Variants in FBF1 observed in about 807,000 individuals in gnomAD.
The protein encoded by FBF1 is fas-binding factor 1.
A neutral mutation model predicts 147.2 loss-of-function variants in FBF1; 119 were observed. The ratio of observed to expected loss-of-function variants is 0.81; its 90% CI spans 0.70 to 0.94. The LOEUF (loss-of-function observed/expected upper bound fraction) is 0.94. Among genes scored for constraint, FBF1 ranks in the 40% least tolerant of loss-of-function variants. The pLI is 0.00. For missense variants in FBF1, 1,449 were observed against 1,500.8 expected (o/e 0.97, Z 0.57); for synonymous variants, 601 against 609.0 (o/e 0.99, Z 0.19).
chr17:75,936,954 G>C (rs952723198), intron 3 of FBF1, among the ~76,000 whole-genome samples: 16 of 152,158 alleles, frequency 1.1e-4, no homozygotes, highest in Admixed American at 2.0e-4. Context: ...AGGCATGTGG[G>C]GGAACCTAAG....
At position 75,920,365 on chromosome 17, in the gene FBF1, A is replaced by C. The variant is rs767579786; in HGVS notation, c.1739T>G (p.Leu580Arg). The C allele has an allele frequency of 4.4e-6, 7 of 1,606,154 alleles. No individual in the cohort carries two copies. The highest frequency in any genetic ancestry group is 1.7e-4 in the Middle Eastern group (1 of 5,870). The change falls in exon 18 of 30, where the codon CTG (leucine) becomes CGG (arginine). Residue 580 changes from leucine to arginine, a missense_variant. Coordinates refer to ENST00000636174, the MANE Select transcript of FBF1 (RefSeq NM_001319193.2). The stretch of plus-strand genomic sequence containing the variant: ...GCACTGAAGTTGCACCTGTGCTGCC[A>C]GGAGCTGCTTCTGGTATTCTGTGCT... Reference protein sequence around the residue: ...LPSTEYQKQLLAAQVQLQCSP... With the variant: ...LPSTEYQKQLRAAQVQLQCSP...
At chr17:75,929,955 A>ACCC in intron 7 of FBF1, 42 bp downstream of exon 7, 2 of 228,256 alleles carry the variant, frequency 8.8e-6, no homozygotes, top group East Asian at 1.5e-4. Context: ...ACCCCACCCC[A>ACCC]CCCACCCCCA....
intron 2 of FBF1, 29 bp from the exon 3 acceptor site, chr17:75,937,622 G>GA: frequency 2.5e-6 from 4 of 1,613,658 alleles, no homozygotes; most frequent in East Asian, 2.2e-5. Context: ...ATCACATCAA[G>GA]AAAACCAAAC....
rs376841285 is a variant in FBF1 at position 75,926,406 on chromosome 17, G to A, written c.616C>T (p.Pro206Ser). The A allele has an allele frequency of 1.9e-6, 3 of 1,588,008 alleles. No individual in the cohort carries two copies. The highest frequency in any genetic ancestry group is 4.5e-5 in the East Asian group (2 of 44,664). The change falls in exon 11 of 30, where the codon CCT (proline) becomes TCT (serine). Residue 206 changes from proline (P) to serine (S), a missense_variant. Pro to Ser is a moderately conservative substitution (Grantham distance 74). Transcript: ENST00000636174. Reference sequence around the variant, plus strand: ...TTTTTTCGGATGGGGGTGTCCCCAGGAGTTAGAGGAATAGAGGGACCTGAA... The same window carrying A: ...TTTTTTCGGATGGGGGTGTCCCCAGAAGTTAGAGGAATAGAGGGACCTGAA... ...RDQGPSIPLT[P>S]GDTPIRKKEE...
chr17:75,926,621 G>A, intron 10 of FBF1, 137 bp downstream of exon 10: 1 of 1,380,314 alleles, frequency 7.2e-7, no homozygotes, highest in Non-Finnish European at 9.7e-7. Flanking sequence ...CCTAAAGGCT[G>A]ATGATCTCTT....
Position 75,910,275 on chromosome 17 carries a change from G to T in FBF1, c.*448C>A, listed in dbSNP as rs1599478234. 6 of 344,842 alleles carry T rather than the reference G, an allele frequency of 1.7e-5. No individual in the cohort carries two copies. Among genetic ancestry groups the T allele is most frequent in the South Asian group, 1.5e-4 (6 of 40,504 alleles). The allele number at this position is 344,842 out of a possible 1,614,324, so 21.4% of individuals were successfully genotyped here. A position where few individuals can be genotyped will look rare whatever the true frequency, so the allele number is the denominator to read the frequency against. On this transcript the variant is annotated 3_prime_UTR_variant, in exon 30 of 30. Transcript: ENST00000636174. The surrounding 1 kb of genome is among the most constrained non-coding windows in gnomAD (Gnocchi z 4.1). ...GGCCCTTCTCCAGCTCATCAGGGAG[G>T]GAACTGCTCTGGCAGGGAGTAGGGA...
rs776468566 is a variant in FBF1 at position 75,915,088 on chromosome 17, C to T, written c.2557G>A (p.Ala853Thr). The change falls in exon 24 of 30, where the codon GCC (alanine) becomes ACC (threonine). Residue 853 changes from alanine to threonine, a missense_variant. By Grantham distance (58) the Ala-to-Thr change is moderately conservative. Coordinates refer to ENST00000636174, the MANE Select transcript of FBF1 (RefSeq NM_001319193.2). ...GTGACCTTCCTTTGCTCCTCTAGGGCGCGCTGCATGGACTCCGCCTTGGAC... is the reference window on the plus strand; with the variant it reads ...GTGACCTTCCTTTGCTCCTCTAGGGTGCGCTGCATGGACTCCGCCTTGGAC... ...EQSKAESMQR[A>T]LEEQRKVTAQ... 3.7e-6 allele frequency: 6 copies of T among 1,612,876 alleles called. No homozygotes were observed. Among genetic ancestry groups the T allele is most frequent in the Admixed American group, 1.7e-5 (1 of 59,962 alleles).
At chr17:75,937,986 A>C in intron 2 of FBF1, 161 bp downstream of exon 2, 1 of 1,101,742 alleles carries the variant, frequency 9.1e-7, no homozygotes, top group Non-Finnish European at 1.3e-6. Flanking sequence ...TTGGTCGTCG[A>C]AAGTTTGGTA....
At chr17:75,939,956 T>A (rs968171510) in intron 1 of FBF1, 2 of 152,306 alleles carry the variant, frequency 1.3e-5, no homozygotes. Context: ...TTCTTTTTTT[T>A]CTTTTTTTAG....
intron 4 of FBF1, among the ~76,000 whole-genome samples, chr17:75,935,218 G>A (rs982994354): frequency 2.1e-4 from 32 of 150,932 alleles, no homozygotes; most frequent in South Asian, 1.0e-3. Context: ...AGGCTGGAGC[G>A]CAGTGGTGCA....
In FBF1 at chr17:75,918,277, G is replaced by A. The variant is rs757470438; in HGVS notation, c.2139-8C>T. On this transcript the variant is annotated splice_region_variant and splice_polypyrimidine_tract_variant and intron_variant, in intron 20 of 29. Coordinates refer to ENST00000636174, the MANE Select transcript of FBF1 (RefSeq NM_001319193.2). The surrounding 1 kb of genome is among the most constrained non-coding windows in gnomAD (Gnocchi z 5.8). ...ATGTCTAGGATGGACGCCCTGAGGGGAGGCGGGAGGGGAAGGCGGTCACTC... is the reference window on the plus strand; with the variant it reads ...ATGTCTAGGATGGACGCCCTGAGGGAAGGCGGGAGGGGAAGGCGGTCACTC... 1 of 1,610,294 alleles carries A rather than the reference G, an allele frequency of 6.2e-7. No homozygotes were observed. The highest frequency in any genetic ancestry group is 8.5e-7 in the Non-Finnish European group (1 of 1,177,880).
chr17:75,928,025 A>G lies in FBF1; in HGVS notation c.397+51T>C. 6.9e-7 allele frequency: 1 copy of G among 1,445,218 alleles called. No individual in the cohort carries two copies. The highest frequency in any genetic ancestry group is 9.7e-7 in the Non-Finnish European group (1 of 1,033,214). 89.5% of individuals were successfully genotyped at this position (1,445,218 alleles called of 1,614,324 possible). A position where few individuals can be genotyped will look rare whatever the true frequency, so the allele number is the denominator to read the frequency against. On this transcript the variant is annotated intron_variant, in intron 8 of 29. Transcript: ENST00000636174. The surrounding 1 kb of genome is among the most constrained non-coding windows in gnomAD (Gnocchi z 4.2). ...TCCACGTCCTCAAAGTCTCCCTAGC[A>G]GATGCGAGGAGCCGTCTCCCATGCA...
chr17:75,924,353 G>A (rs1172507725), intron 13 of FBF1, among the ~76,000 whole-genome samples: 1 of 152,258 alleles, frequency 6.6e-6, no homozygotes, highest in Admixed American at 6.5e-5. Flanking sequence ...GGTATGGGAA[G>A]TAATGCCGAT....
In FBF1 at chr17:75,914,863, C is replaced by T. The variant is rs907231532; in HGVS notation, c.2698G>A (p.Glu900Lys). The T allele has an allele frequency of 2.5e-6, 4 of 1,611,622 alleles. No individual in the cohort carries two copies. The highest frequency in any genetic ancestry group is 2.2e-5 in the South Asian group (2 of 91,038). The change falls in exon 25 of 30, where the codon GAG becomes AAG. Residue 900 changes from glutamate (E) to lysine (K), a missense_variant. Coordinates refer to ENST00000636174, the MANE Select transcript of FBF1 (RefSeq NM_001319193.2). ...CGEERRRLAAEWAEFSAQQKL... is the reference protein window; with the variant it reads ...CGEERRRLAAKWAEFSAQQKL... Reference sequence around the variant, plus strand: ...TGCTGCGCGGAGAACTCCGCCCACTCGGCAGCCAGGCGCCGCCGCTCCTCC... The same window carrying T: ...TGCTGCGCGGAGAACTCCGCCCACTTGGCAGCCAGGCGCCGCCGCTCCTCC...
At chr17:75,940,199 C>T (rs1453950352) in intron 1 of FBF1, among the ~76,000 whole-genome samples, 2 of 151,432 alleles carry the variant, frequency 1.3e-5, no homozygotes, top group Admixed American at 6.6e-5. Context: ...TCTCGGCCTC[C>T]CAAAGTGCTA....
Position 75,923,280 on chromosome 17 carries a change from G to A in FBF1, c.1330C>T (p.Arg444Trp), listed in dbSNP as rs201952997. 4.0e-5 allele frequency: 63 copies of A among 1,591,570 alleles called. No homozygotes were observed. The highest frequency in any genetic ancestry group is 2.4e-4 in the African/African-American group (18 of 74,644). ...CTGGCCAGGCCTTGGGACTTCTTCC[G>A]AGACAGGGCATGGCTCAGCCAGTCC... ...KEDWLSHALS[R>W]KKSQGLAREQ... Residue 444 changes from arginine (R) to tryptophan (W), a missense_variant, in exon 14 of 30, where the codon CGG becomes TGG. Transcript: ENST00000636174. The surrounding 1 kb of genome is among the most constrained non-coding windows in gnomAD (Gnocchi z 4.1).
At chr17:75,930,340 T>G (rs548000097) in intron 6 of FBF1, among the ~76,000 whole-genome samples, 6 of 152,160 alleles carry the variant, frequency 3.9e-5, no homozygotes, top group Non-Finnish European at 8.8e-5. Context: ...TTCCCACCCA[T>G]GCCAATGGAC....
chr17:75,909,673 A>T lies in FBF1; in HGVS notation c.*1050T>A. 1 of 570,540 alleles carries T rather than the reference A, an allele frequency of 1.8e-6. No homozygotes were observed. The highest frequency in any genetic ancestry group is 1.9e-5 in the African/African-American group (1 of 53,644). The allele number at this position is 570,540 out of a possible 1,614,324, so 35.3% of individuals were successfully genotyped here. On this transcript the variant is annotated 3_prime_UTR_variant, in exon 30 of 30. Coordinates refer to ENST00000636174, the MANE Select transcript of FBF1 (RefSeq NM_001319193.2). Reference sequence around the variant, plus strand: ...TTCTCCTGGCTGTGGTCCAGCTGCCAGGTGCCACCGCAGACCGCAGGTGCT... The same window carrying T: ...TTCTCCTGGCTGTGGTCCAGCTGCCTGGTGCCACCGCAGACCGCAGGTGCT...
In FBF1 at chr17:75,910,792, C is replaced by T. The variant is rs1371840326; in HGVS notation, c.3378G>A (p.Leu1126=). The change falls in exon 30 of 30, where the codon TTG becomes TTA. Residue 1126 remains leucine, a synonymous_variant. Coordinates refer to ENST00000636174, the MANE Select transcript of FBF1 (RefSeq NM_001319193.2). The surrounding 1 kb of genome is among the most constrained non-coding windows in gnomAD (Gnocchi z 4.1). ...TCTCCAGGAAGAACTGTTCATTCTCCAAGAAGTCACGGTCCTGCAAGGCAG... is the reference window on the plus strand; with the variant it reads ...TCTCCAGGAAGAACTGTTCATTCTCTAAGAAGTCACGGTCCTGCAAGGCAG... ...RHMAEQDRDF[L]ENEQFFLETL... The T allele has an allele frequency of 5.6e-6, 9 of 1,610,040 alleles. No individual in the cohort carries two copies. The highest frequency in any genetic ancestry group is 1.1e-5 in the South Asian group (1 of 90,174).
Sources: gnomAD v4.1 joint callset for allele counts (sites outside exome capture counted in the v4.1 genomes callset) on GRCh38, gnomAD v4.1.1 for gene constraint, Gnocchi (gnomAD v3.1) non-coding constraint, MANE v1.5 for transcripts, NCBI Gene and HGNC (gene_info 2026-07-23, HGNC 2026-07-21) for gene names.